FOXN3: variants seen among roughly 807,000 people sequenced by gnomAD.
The protein encoded by FOXN3 is forkhead box protein N3.
In FOXN3, 7 loss-of-function variants were observed where a neutral mutation model predicts 38.4. That is an observed-to-expected ratio of 0.18 (90% CI 0.10 to 0.34). The LOEUF is 0.34. FOXN3 is among the 10% of genes least tolerant of loss of function. FOXN3 has a pLI of 1.00. For synonymous variants in FOXN3, 230 were observed against 242.2 expected, an observed-to-expected ratio of 0.95 and a Z score of 0.47; for missense variants, 456 against 613.4, an observed-to-expected ratio of 0.74 and a Z score of 2.71.
intron 1 of FOXN3, among the ~76,000 whole-genome samples, chr14:89,527,807 T>C (rs1190235449): frequency 6.6e-6 from 1 of 151,704 alleles, no homozygotes; most frequent in Non-Finnish European, 1.5e-5. Context: ...GTTCAAGCAA[T>C]TCTCCTGCCT....
intron 1 of FOXN3, among the ~76,000 whole-genome samples, chr14:89,568,418 A>C (rs1038704945): frequency 4.5e-4 from 68 of 151,148 alleles, no homozygotes; most frequent in Non-Finnish European, 7.1e-4. Flanking sequence ...GCCCCTGACC[A>C]CCTCCCCGCA....
In FOXN3 at chr14:89,401,993, A is replaced by G. The variant is rs150253840; in HGVS notation, c.543+9941T>C. On this transcript the variant is annotated intron_variant, in intron 2 of 5. Transcript: ENST00000557258. ...CACAAGGAAAGGTACTCAAACAAGC[A>G]CACACACACACATACACAAATCAAA... Among the ~76,000 whole-genome samples, 358 of 152,060 alleles carry G rather than the reference A, an allele frequency of 2.4e-3. 1 individual carries two copies. Among genetic ancestry groups the G allele is most frequent in the African/African-American group, 8.0e-3 (333 of 41,482 alleles).
At chr14:89,203,782 T>C (rs1217924425) in intron 4 of FOXN3, among the ~76,000 whole-genome samples, 1 of 152,080 alleles carries the variant, frequency 6.6e-6, no homozygotes, top group Non-Finnish European at 1.5e-5. Context: ...TATAATCTTC[T>C]ATGGTTTTCC....
intron 1 of FOXN3, among the ~76,000 whole-genome samples, chr14:89,561,573 T>C (rs1895249351): frequency 6.6e-6 from 1 of 152,182 alleles, no homozygotes; most frequent in South Asian, 2.1e-4. Flanking sequence ...CTTCCAAAAA[T>C]ACTTGAAAAA....
At chr14:89,358,995 A>G (rs1889346342) in intron 2 of FOXN3, among the ~76,000 whole-genome samples, 2 of 152,214 alleles carry the variant, frequency 1.3e-5, no homozygotes, top group Admixed American at 1.3e-4. Context: ...TGCTTGGCAC[A>G]TGGTAACAGT....
At chr14:89,618,553 C>A (rs1358586011) in intron 1 of FOXN3, among the ~76,000 whole-genome samples, 1 of 151,316 alleles carries the variant, frequency 6.6e-6, no homozygotes, top group African/African-American at 2.5e-5. Context: ...CAAACAGTTG[C>A]GACAGCAATG....
intron 1 of FOXN3, among the ~76,000 whole-genome samples, chr14:89,449,446 T>C (rs1596278364): frequency 6.6e-6 from 1 of 152,172 alleles, no homozygotes; most frequent in African/African-American, 2.4e-5. Flanking sequence ...ACTCAACAGA[T>C]AAAAATCTCC....
intron 1 of FOXN3, among the ~76,000 whole-genome samples, chr14:89,589,078 C>G (rs1266006165): frequency 6.6e-6 from 1 of 152,084 alleles, no homozygotes; most frequent in Non-Finnish European, 1.5e-5. Context: ...TAACTATAAA[C>G]CAAGTCAAGG....
Position 89,363,966 on chromosome 14 carries a change from A to T in FOXN3, c.544-13158T>A, listed in dbSNP as rs1367568853. 4.3e-5 allele frequency among the ~76,000 whole-genome samples: 2 copies of T among 46,196 alleles called. 1 individual carries two copies. Among genetic ancestry groups the T allele is most frequent in the Admixed American group, 4.2e-4 (2 of 4,760 alleles). 30.3% of individuals were successfully genotyped at this position (46,196 alleles called of 152,430 possible). A position where few individuals can be genotyped will look rare whatever the true frequency, so the allele number is the denominator to read the frequency against. On this transcript the variant is annotated intron_variant, in intron 2 of 5. Coordinates refer to ENST00000557258, the MANE Select transcript of FOXN3 (RefSeq NM_005197.4). ...CTGTAAAATATATATATATATATAT[A>T]TATATATATATATATATATATAATA...
chr14:89,436,102 A>C (rs1892270786), intron 1 of FOXN3, among the ~76,000 whole-genome samples: 1 of 151,554 alleles, frequency 6.6e-6, no homozygotes, highest in African/African-American at 2.4e-5. Context: ...CGGCCTCCCA[A>C]AATGCTGAGA....
At chr14:89,175,774 G>T (rs1199051815) in intron 5 of FOXN3, among the ~76,000 whole-genome samples, 1 of 152,150 alleles carries the variant, frequency 6.6e-6, no homozygotes, top group African/African-American at 2.4e-5. Context: ...CCCTGGACAT[G>T]TCATTCTTTT....
At chr14:89,454,741 T>C (rs530461992) in intron 1 of FOXN3, among the ~76,000 whole-genome samples, 8 of 152,232 alleles carry the variant, frequency 5.3e-5, no homozygotes, top group African/African-American at 9.6e-5. Context: ...AAAGTCTCCA[T>C]GATAAGCACT....
At chr14:89,207,458 T>C (rs1309869726) in intron 4 of FOXN3, among the ~76,000 whole-genome samples, 2 of 152,190 alleles carry the variant, frequency 1.3e-5, no homozygotes, top group African/African-American at 4.8e-5. Context: ...TAGTTGTATG[T>C]TTAAGAATCT....
intron 3 of FOXN3, among the ~76,000 whole-genome samples, chr14:89,285,516 CT>C (rs1356678670): frequency 7.7e-5 from 8 of 103,462 alleles, no homozygotes; most frequent in African/African-American, 7.7e-5. Context: ...AAGACTCCGT[CT>C]CAAAACAAAA....
intron 2 of FOXN3, among the ~76,000 whole-genome samples, chr14:89,365,147 TGA>T (rs1434165310): frequency 1.4e-4 from 21 of 152,192 alleles, no homozygotes; most frequent in Non-Finnish European, 4.4e-5. Context: ...CTCACTATTT[TGA>T]GAGAGCCCTG....
At chr14:89,530,534 T>A (rs974090710) in intron 1 of FOXN3, among the ~76,000 whole-genome samples, 1 of 152,122 alleles carries the variant, frequency 6.6e-6, no homozygotes, top group African/African-American at 2.4e-5. Flanking sequence ...CAAGATAAGA[T>A]TTGGGTAGGG....
chr14:89,508,080 G>A (rs1297450520), intron 1 of FOXN3, among the ~76,000 whole-genome samples: 2 of 152,218 alleles, frequency 1.3e-5, no homozygotes, highest in Non-Finnish European at 2.9e-5. Flanking sequence ...CCGACTATAT[G>A]ATGCCCAATC....
chr14:89,185,501 C>G (rs1043814389), intron 4 of FOXN3: 1 of 152,188 alleles, frequency 6.6e-6, no homozygotes, highest in African/African-American at 2.4e-5. Context: ...ATTAAGACAC[C>G]GAAAGACCAA....
intron 4 of FOXN3, among the ~76,000 whole-genome samples, chr14:89,275,553 C>T (rs1485242132): frequency 2.0e-5 from 3 of 152,154 alleles, no homozygotes; most frequent in Non-Finnish European, 4.4e-5. Flanking sequence ...GTGTTCCTTC[C>T]ACTATAACTT....
Sources: gnomAD v4.1 joint callset for allele counts (sites outside exome capture counted in the v4.1 genomes callset) on GRCh38, gnomAD v4.1.1 for gene constraint, MANE v1.5 for transcripts, NCBI Gene and HGNC (gene_info 2026-07-23, HGNC 2026-07-21) for gene names.